Variants in NEGR1 observed in about 807,000 individuals in gnomAD.
NEGR1 encodes the protein neuronal growth regulator 1.
In NEGR1, 10 loss-of-function variants were observed where a neutral mutation model predicts 40.9. That is an observed-to-expected ratio of 0.24 (90% confidence interval 0.15 to 0.42). NEGR1 has a LOEUF of 0.42. Among genes scored for constraint, NEGR1 ranks in the 10% least tolerant of loss-of-function variants. The probability of loss-of-function intolerance (pLI) is 1.00; values close to 1 mark genes in which losing one functional copy is unlikely to be tolerated. For missense variants in NEGR1, 352 were observed against 438.9 expected, an observed-to-expected ratio of 0.80 and a Z score of 1.77; for synonymous variants, 185 against 166.8, an observed-to-expected ratio of 1.11 and a Z score of -0.84.
chr1:72,024,547 A>G (rs1646789951), intron 1 of NEGR1, among the ~76,000 whole-genome samples: 1 of 152,178 alleles, frequency 6.6e-6, no homozygotes, highest in Non-Finnish European at 1.5e-5. Flanking sequence ...GAAAAATTAC[A>G]TATCCACTAG....
intron 2 of NEGR1, among the ~76,000 whole-genome samples, chr1:71,864,098 G>A (rs1660041185): frequency 6.6e-6 from 1 of 152,100 alleles, no homozygotes; most frequent in Non-Finnish European, 1.5e-5. Flanking sequence ...TTCTCCCTTA[G>A]AGATGATGGG....
At chr1:71,976,735 C>T (rs980633988) in intron 1 of NEGR1, among the ~76,000 whole-genome samples, 9 of 151,846 alleles carry the variant, frequency 5.9e-5, no homozygotes, top group South Asian at 2.1e-4. Context: ...CTAAGGTTTT[C>T]GAAGAGAAAC....
chr1:71,922,461 G>T lies in NEGR1; in HGVS notation c.409+12618C>A, dbSNP rs1645730070. ...AATATCTTTCCGTTAATTTTAGGTA[G>T]AAGTTTTCAAAAAATATACGATTAT... On this transcript the variant is annotated intron_variant, in intron 2 of 6. Coordinates refer to ENST00000357731, the MANE Select transcript of NEGR1 (RefSeq NM_173808.3). Among the ~76,000 whole-genome samples, 6 of 152,304 alleles carry T rather than the reference G, an allele frequency of 3.9e-5. No individual in the cohort carries two copies. The South Asian group carries it at 1.2e-3, about 32-fold the overall frequency.
At chr1:72,161,983 T>C (rs1402742442) in intron 1 of NEGR1, among the ~76,000 whole-genome samples, 2 of 151,762 alleles carry the variant, frequency 1.3e-5, no homozygotes, top group Admixed American at 6.6e-5. Context: ...TGAGCCACCA[T>C]GCCTGGCCAT....
intron 1 of NEGR1, among the ~76,000 whole-genome samples, chr1:72,039,015 GA>G (rs1224147214): frequency 6.6e-6 from 1 of 151,976 alleles, no homozygotes; most frequent in African/African-American, 2.4e-5. Flanking sequence ...GAGGGCAGTA[GA>G]AGCTGACTTG....
At chr1:72,075,925 T>C (rs1569921295) in intron 1 of NEGR1, among the ~76,000 whole-genome samples, 1 of 152,310 alleles carries the variant, frequency 6.6e-6, no homozygotes, top group Middle Eastern at 3.4e-3. Context: ...GGGTGGTTGT[T>C]GTTGATTTTT....
At chr1:72,093,329 C>CAAAAAAAAAAA (rs11370565) in intron 1 of NEGR1, among the ~76,000 whole-genome samples, 2,077 of 118,362 alleles carry the variant, frequency 0.018, 164 homozygotes, top group African/African-American at 0.064. Context: ...GACTCTGCCT[C>CAAAAAAAAAAA]AAAAAAAAAA....
intron 1 of NEGR1, among the ~76,000 whole-genome samples, chr1:72,079,079 T>G (rs1647874042): frequency 1.2e-5 from 1 of 83,124 alleles, no homozygotes; most frequent in Non-Finnish European, 2.3e-5. Context: ...ATGGTTACAT[T>G]TAACAGAATA....
chr1:72,221,725 G>A (rs549791104), intron 1 of NEGR1, among the ~76,000 whole-genome samples: 1 of 152,116 alleles, frequency 6.6e-6, no homozygotes, highest in African/African-American at 2.4e-5. Flanking sequence ...TTTACACCAA[G>A]TCTTCTTTAT....
rs17091343 is a variant in NEGR1 at position 71,538,803 on chromosome 1, T to C, written c.940+54014A>G. Among the ~76,000 whole-genome samples the C allele has an allele frequency of 8.1e-3, 1,225 of 151,800 alleles. 12 individuals carry two copies. Among genetic ancestry groups the C allele is most frequent in the African/African-American group, 0.026 (1,070 of 41,480 alleles). On this transcript the variant is annotated intron_variant, in intron 6 of 6. Coordinates refer to ENST00000357731, the MANE Select transcript of NEGR1 (RefSeq NM_173808.3). The stretch of plus-strand genomic sequence containing the variant: ...AACTTTCATGTATTTATAGCTAACA[T>C]CAGAGTACACAAGTTGTTACTGTCT...
intron 6 of NEGR1, among the ~76,000 whole-genome samples, chr1:71,513,930 GAGTTCCCTTTCCGAGTCAA>G (rs1334023379): frequency 5.0e-4 from 72 of 144,122 alleles, no homozygotes; most frequent in Non-Finnish European, 8.5e-4. Flanking sequence ...AGGGGTCAGG[GAGTTCCCTTTCCGAGTCAA>G]AGAAAGGGGT....
At chr1:71,499,763 C>T (rs1163699921) in intron 6 of NEGR1, among the ~76,000 whole-genome samples, 2 of 151,844 alleles carry the variant, frequency 1.3e-5, no homozygotes, top group Non-Finnish European at 2.9e-5. Flanking sequence ...TCTGTCATTC[C>T]TGATCTAGTG....
chr1:72,215,581 T>C (rs915907891), intron 1 of NEGR1, among the ~76,000 whole-genome samples: 3 of 152,084 alleles, frequency 2.0e-5, no homozygotes, highest in Admixed American at 6.6e-5. Context: ...CAAAAGAAGA[T>C]ATTTATGTGG....
chr1:71,522,454 A>G (rs193103246), intron 6 of NEGR1, among the ~76,000 whole-genome samples: 1 of 151,938 alleles, frequency 6.6e-6, no homozygotes, highest in East Asian at 1.9e-4. Context: ...AGTAATCCTG[A>G]TATCAAGGAA....
chr1:71,530,395 C>G (rs189615307), intron 6 of NEGR1, among the ~76,000 whole-genome samples: 161 of 151,264 alleles, frequency 1.1e-3, no homozygotes, highest in African/African-American at 3.3e-3. Context: ...TTGTATCTTG[C>G]TCAGCAGATT....
chr1:72,205,194 G>A (rs969486856), intron 1 of NEGR1, among the ~76,000 whole-genome samples: 4 of 151,938 alleles, frequency 2.6e-5, no homozygotes, highest in Non-Finnish European at 4.4e-5. Context: ...ATATTATCCA[G>A]GGTCAACTTG....
intron 4 of NEGR1, among the ~76,000 whole-genome samples, chr1:71,620,369 A>G (rs1247016078): frequency 6.6e-6 from 1 of 151,998 alleles, no homozygotes; most frequent in East Asian, 1.9e-4. Context: ...CCTTAGTCAA[A>G]TGGACAGTCT....
intron 6 of NEGR1, among the ~76,000 whole-genome samples, chr1:71,492,308 G>A (rs1489838162): frequency 6.6e-6 from 1 of 151,864 alleles, no homozygotes; most frequent in East Asian, 1.9e-4. Flanking sequence ...CTTGGGCACG[G>A]GATAAATTTT....
chr1:71,624,313 T>A (rs1650699533), intron 4 of NEGR1, among the ~76,000 whole-genome samples: 1 of 152,016 alleles, frequency 6.6e-6, no homozygotes, highest in South Asian at 2.1e-4. Flanking sequence ...TACTTCTTGC[T>A]TGAAATATTT....
Sources: gnomAD v4.1 joint callset for allele counts (sites outside exome capture counted in the v4.1 genomes callset) on GRCh38, gnomAD v4.1.1 for gene constraint, MANE v1.5 for transcripts, NCBI Gene and HGNC (gene_info 2026-07-23, HGNC 2026-07-21) for gene names.